The following CRACR2B variants were observed in gnomAD, a reference collection of about 807,000 sequenced individuals.
CRACR2B encodes calcium release activated channel regulator 2B, also known as EF-hand calcium-binding domain-containing protein 4A.
In CRACR2B, 50 loss-of-function variants were observed where a neutral mutation model predicts 46.0. That is an observed-to-expected ratio of 1.09 (90% confidence interval 0.87 to 1.38). CRACR2B has a LOEUF of 1.38. CRACR2B is among the 40% of genes most tolerant of loss of function. CRACR2B has a pLI of 0.00. For missense variants in CRACR2B, 667 were observed against 535.0 expected, an observed-to-expected ratio of 1.25 and a Z score of -2.43; for synonymous variants, 277 against 239.6, an observed-to-expected ratio of 1.16 and a Z score of -1.44.
chr11:828,514 C>T lies in CRACR2B; in HGVS notation c.-94C>T. On this transcript the variant is annotated 5_prime_UTR_variant, in exon 1 of 9. Transcript: ENST00000525077. The stretch of plus-strand genomic sequence containing the variant: ...GAGGGCCCTCGGCTGAGCCTTCAGA[C>T]ACACTTGCACCCCATCCGCTCCCCT... The T allele has an allele frequency of 7.1e-7, 1 of 1,406,850 alleles. No homozygotes were observed. Among genetic ancestry groups the T allele is most frequent in the Non-Finnish European group, 9.3e-7 (1 of 1,073,044 alleles). 87.1% of individuals were successfully genotyped at this position (1,406,850 alleles called of 1,614,324 possible).
intron 3 of CRACR2B, 132 bp downstream of exon 3, chr11:829,672 C>T: frequency 2.7e-6 from 3 of 1,114,266 alleles, no homozygotes; most frequent in East Asian, 2.8e-5. Context: ...CTAGCGTCAG[C>T]TGCGATTCCC....
chr11:831,316 G>C lies in CRACR2B; in HGVS notation c.1025+21G>C, dbSNP rs34889510. 3,377 of 1,594,284 alleles carry C rather than the reference G, an allele frequency of 2.1e-3. 44 individuals are homozygous for C. In the African/African-American group the frequency reaches 0.029, roughly 14 times the overall value. On this transcript the variant is annotated intron_variant, in intron 8 of 8. Coordinates refer to ENST00000525077, the MANE Select transcript of CRACR2B (RefSeq NM_001286606.2). ...CTCAGGTACGGTCAGGCTCAGGCCC[G>C]AGAGGGAATGGGCTCAGCGGAGCTT...
intron 5 of CRACR2B, 123 bp from the exon 6 acceptor site, chr11:830,498 C>T (rs1289091859): frequency 2.6e-6 from 4 of 1,538,364 alleles, no homozygotes; most frequent in South Asian, 2.4e-5. Context: ...GTATCACCCC[C>T]GTCCGGTCTT....
chr11:831,919 C>T lies in CRACR2B; in HGVS notation c.*210C>T. ...TGCCCTCTGCCAGTCTTCGCTCTGT[C>T]CCCGTTCAATCAACCCCATCTCAGT... On this transcript the variant is annotated 3_prime_UTR_variant, in exon 9 of 9. Coordinates refer to ENST00000525077, the MANE Select transcript of CRACR2B (RefSeq NM_001286606.2). The T allele has an allele frequency of 1.5e-5, 8 of 544,290 alleles. No individual in the cohort carries two copies. The highest frequency in any genetic ancestry group is 2.5e-5 in the Non-Finnish European group (8 of 322,676). 33.7% of individuals were successfully genotyped at this position (544,290 alleles called of 1,614,324 possible).
intron 7 of CRACR2B, 51 bp from the exon 8 acceptor site, chr11:831,173 G>T: frequency 6.2e-7 from 1 of 1,610,210 alleles, no homozygotes; most frequent in South Asian, 1.1e-5. Flanking sequence ...GGGGGTCCGG[G>T]GGCTCCCCAA....
chr11:830,324 G>T lies in CRACR2B; in HGVS notation c.680G>T (p.Arg227Leu). The T allele has an allele frequency of 6.5e-7, 1 of 1,534,278 alleles. No homozygotes were observed. Among genetic ancestry groups the T allele is most frequent in the Non-Finnish European group, 8.7e-7 (1 of 1,144,408 alleles). The change falls in exon 5 of 9, where the codon CGC (arginine) becomes CTC (leucine). Residue 227 changes from arginine to leucine, a missense_variant. Physicochemically the swap from Arg to Leu is moderately radical, Grantham distance 102. Transcript: ENST00000525077. Reference sequence around the variant, plus strand: ...GAGCAGCTTCGGGAGCAGAGCCGGCGCCCGCCGAGTCAGGTGGGCCTCGGG... The same window carrying T: ...GAGCAGCTTCGGGAGCAGAGCCGGCTCCCGCCGAGTCAGGTGGGCCTCGGG... Reference protein sequence around the residue: ...ETEQLREQSRRPPSQNFARGE... With the variant: ...ETEQLREQSRLPPSQNFARGE...
Position 828,698 on chromosome 11 carries a change from C to A in CRACR2B, c.91C>A (p.Leu31Met). 6.2e-7 allele frequency: 1 copy of A among 1,612,542 alleles called. No individual in the cohort carries two copies. Among genetic ancestry groups the A allele is most frequent in the Non-Finnish European group, 8.5e-7 (1 of 1,179,606 alleles). The change falls in exon 1 of 9, where the codon CTG (leucine) becomes ATG (methionine). Residue 31 changes from leucine to methionine, a missense_variant. Physicochemically the swap from Leu to Met is conservative, Grantham distance 15 (BLOSUM62 2). Transcript: ENST00000525077. The part of the protein sequence containing the change: ...GGSAGPRAAI[L>M]EQAEELFLLC... ...CTCTGCAGGGCCGCGGGCTGCAATA[C>A]TGGAGCAGGCTGAGGAGCTGTTTCT...
Position 828,845 on chromosome 11 carries a change from C to A in CRACR2B, c.166-7C>A, listed in dbSNP as rs368569122. On this transcript the variant is annotated splice_region_variant and splice_polypyrimidine_tract_variant and intron_variant, in intron 1 of 8. Transcript: ENST00000525077. ...GCGGCTCATCTCTGCTCTCCTTCCC[C>A]GACCAGGGTCTCCAGAGCGACCTGC... The A allele has an allele frequency of 2.8e-5, 45 of 1,610,860 alleles. No individual in the cohort carries two copies. The highest frequency in any genetic ancestry group is 3.6e-5 in the Non-Finnish European group (42 of 1,179,514).
chr11:828,478 C>G lies in CRACR2B; in HGVS notation c.-130C>G. ...ACCTTGCCTTCCGCCCACCTTCCCA[C>G]CTGCTGCAGGGAGGGCCCTCGGCTG... is the stretch of plus-strand genomic sequence containing the variant. On this transcript the variant is annotated 5_prime_UTR_variant, in exon 1 of 9. Coordinates refer to ENST00000525077, the MANE Select transcript of CRACR2B (RefSeq NM_001286606.2). 8.6e-7 allele frequency: 1 copy of G among 1,168,350 alleles called. No individual in the cohort carries two copies. The highest frequency in any genetic ancestry group is 1.2e-6 in the Non-Finnish European group (1 of 865,872). 72.4% of individuals were successfully genotyped at this position (1,168,350 alleles called of 1,614,324 possible).
rs568064712 is a variant in CRACR2B, at chr11:828,394, C to T, written c.-214C>T. 1.7e-4 allele frequency: 98 copies of T among 572,890 alleles called. 1 individual carries two copies. In the South Asian group the frequency reaches 2.3e-3, roughly 14 times the overall value. The allele number at this position is 572,890 out of a possible 1,614,324, so 35.5% of individuals were successfully genotyped here. ...GTACCCACAGGCCCTGAGCCTACAT[C>T]AACCACCCCAGTGACACCCCAAGCC... On this transcript the variant is annotated 5_prime_UTR_variant, in exon 1 of 9. It introduces an in-frame stop codon into an upstream open reading frame of the 5' UTR. Transcript: ENST00000525077.
Position 831,574 on chromosome 11 carries a change from C to G in CRACR2B, c.1065C>G (p.Cys355Trp). 6.3e-7 allele frequency: 1 copy of G among 1,596,488 alleles called. No individual in the cohort carries two copies. The highest frequency in any genetic ancestry group is 8.5e-7 in the Non-Finnish European group (1 of 1,173,810). Residue 355 changes from cysteine (C) to tryptophan (W), a missense_variant, in exon 9 of 9, where the codon TGC becomes TGG. Cys to Trp is a radical substitution (Grantham distance 215, BLOSUM62 -2). Transcript: ENST00000525077. ...GGCTGCGGGATGACAGGGACGCCTG[C>G]GAGGCCAGGCGGGCGGGCAGCAGCT... ...NTRLRDDRDA[C>W]EARRAGSSCR...
At position 828,640 on chromosome 11, in the gene CRACR2B, G is replaced by C; in HGVS notation, c.33G>C (p.Glu11Asp). 2 of 1,605,748 alleles carry C rather than the reference G, an allele frequency of 1.2e-6. No individual in the cohort carries two copies. Among genetic ancestry groups the C allele is most frequent in the Non-Finnish European group, 1.7e-6 (2 of 1,177,966 alleles). ...GCCCTGGAAAGCCTGGGGCTGATGA[G>C]GCCCAGGAGGAGGAGGGGGAACTCG... is the stretch of plus-strand genomic sequence containing the variant. MASPGKPGAD[E>D]AQEEEGELEG... is the part of the protein sequence containing the mutation. Residue 11 changes from glutamate to aspartate, a missense_variant, in exon 1 of 9, where the codon GAG (glutamate) becomes GAC (aspartate). By Grantham distance (45) the Glu-to-Asp change is conservative. Transcript: ENST00000525077.
Position 831,788 on chromosome 11 carries a change from C to G in CRACR2B, c.*79C>G. The G allele has an allele frequency of 7.0e-7, 1 of 1,430,642 alleles. No individual in the cohort carries two copies. Among genetic ancestry groups the G allele is most frequent in the East Asian group, 2.8e-5 (1 of 35,878 alleles). The allele number at this position is 1,430,642 out of a possible 1,614,324, so 88.6% of individuals were successfully genotyped here. ...TTGTCATGGGTCGGGGGTGCCCACT[C>G]AGGATGCAGGCTCTCCCCAGTGGGC... is the stretch of plus-strand genomic sequence containing the variant. On this transcript the variant is annotated 3_prime_UTR_variant, in exon 9 of 9. Coordinates refer to ENST00000525077, the MANE Select transcript of CRACR2B (RefSeq NM_001286606.2).
chr11:829,181 C>G (rs926663867), intron 2 of CRACR2B, 179 bp from the exon 3 acceptor site: 19 of 1,361,546 alleles, frequency 1.4e-5, no homozygotes, highest in African/African-American at 2.9e-5. Flanking sequence ...GTGCTAAGCT[C>G]CGGTAGGGCT....
chr11:829,931 G>A (rs1470642558), intron 3 of CRACR2B, 55 bp from the exon 4 acceptor site: 4 of 1,527,244 alleles, frequency 2.6e-6, no homozygotes, highest in Middle Eastern at 1.8e-4. Context: ...CTGGCGGAGG[G>A]AAGCCTGCTT....
intron 3 of CRACR2B, 150 bp downstream of exon 3, chr11:829,690 G>C (rs1168966614): frequency 8.5e-6 from 9 of 1,061,760 alleles, no homozygotes; most frequent in East Asian, 5.6e-5. Flanking sequence ...CCCTGGGAGG[G>C]ACCCGGCATG....
Position 830,353 on chromosome 11 carries a change from C to T in CRACR2B, c.693+16C>T. The T allele has an allele frequency of 6.5e-7, 1 of 1,535,942 alleles. No homozygotes were observed. The highest frequency in any genetic ancestry group is 8.7e-7 in the Non-Finnish European group (1 of 1,145,918). On this transcript the variant is annotated intron_variant, in intron 5 of 8. Transcript: ENST00000525077. ...GCCGAGTCAGGTGGGCCTCGGGCCC[C>T]GCCCCTCCCGCCAGGCCCAATCCCA... is the stretch of plus-strand genomic sequence containing the variant.
intron 6 of CRACR2B, 69 bp downstream of exon 6, chr11:830,782 C>G (rs990570033): frequency 1.4e-6 from 2 of 1,481,322 alleles, no homozygotes; most frequent in African/African-American, 2.8e-5. Context: ...TTAGCGTCCC[C>G]GGGTTGTCGG....
rs775232238 is a variant in CRACR2B at position 829,500 on chromosome 11, A to C, written c.418A>C (p.Thr140Pro). 1.9e-6 allele frequency: 3 copies of C among 1,606,058 alleles called. No homozygotes were observed. Among genetic ancestry groups the C allele is most frequent in the African/African-American group, 2.7e-5 (2 of 74,764 alleles). Residue 140 changes from threonine (T) to proline (P), a missense_variant, in exon 3 of 9, where the codon ACT (threonine) becomes CCT (proline). Coordinates refer to ENST00000525077, the MANE Select transcript of CRACR2B (RefSeq NM_001286606.2). ...EEEEEEERFH[T>P]VLEQLGVAPV... Reference sequence around the variant, plus strand: ...GGAGGAAGAGGAGGAGCGATTCCACACTGTGCTGGAGCAGCTGGGGGTGGC... The same window carrying C: ...GGAGGAAGAGGAGGAGCGATTCCACCCTGTGCTGGAGCAGCTGGGGGTGGC...
Sources: allele counts gnomAD v4.1 joint callset, GRCh38; gene constraint gnomAD v4.1.1; transcripts MANE v1.5; gene names NCBI Gene and HGNC (gene_info 2026-07-23, HGNC 2026-07-21).